The following ACTR3 variants were observed in gnomAD, a reference collection of about 807,000 sequenced individuals.
ACTR3 encodes the protein actin-related protein 3.
Under a neutral mutation model 56.8 loss-of-function variants are expected in ACTR3, and 12 were observed. The ratio of observed to expected loss-of-function variants is 0.21; its 90% CI spans 0.14 to 0.34. ACTR3 has a LOEUF of 0.34. Among genes scored for constraint, ACTR3 ranks in the 10% least tolerant of loss-of-function variants. The probability of loss-of-function intolerance (pLI) is 1.00; values close to 1 mark genes in which losing one functional copy is unlikely to be tolerated. For missense variants in ACTR3, 282 were observed against 512.5 expected (o/e 0.55, Z 4.34); for synonymous variants, 162 against 167.4 (o/e 0.97, Z 0.25).
rs1680323305 is a variant in ACTR3, at chr2:113,961,439, G to C, written c.*3984G>C. The C allele has an allele frequency of 6.6e-6, 1 of 151,910 alleles. No homozygotes were observed. The highest frequency in any genetic ancestry group is 1.5e-5 in the Non-Finnish European group (1 of 67,852). 9.4% of individuals were successfully genotyped at this position (151,910 alleles called of 1,614,324 possible). A position where few individuals can be genotyped will look rare whatever the true frequency, so the allele number is the denominator to read the frequency against. On this transcript the variant is annotated 3_prime_UTR_variant, in exon 12 of 12. Transcript: ENST00000263238. ...CTGAAAAACCTGAAAGAAAAAAAAT[G>C]AAAGATTAAAAGTATACGATATTCT...
chr2:113,895,059 T>TCCCCCCCCCCCC (rs61667793), intron 1 of ACTR3, among the ~76,000 whole-genome samples: 24 of 111,368 alleles, frequency 2.2e-4, no homozygotes, highest in African/African-American at 5.5e-4. Flanking sequence ...TGGTTTAGGT[T>TCCCCCCCCCCCC]CCCCCCCCCC....
Position 113,891,697 on chromosome 2 carries a change from A to T in ACTR3, c.44+1374A>T, listed in dbSNP as rs533657724. ...GTGTGTCCTTCACTCTTTATGTGAAATTTCTTTAATCTTCATTCTCATAAC... is the reference window on the plus strand; with the variant it reads ...GTGTGTCCTTCACTCTTTATGTGAATTTTCTTTAATCTTCATTCTCATAAC... On this transcript the variant is annotated intron_variant, in intron 1 of 11. Transcript: ENST00000263238. Among the ~76,000 whole-genome samples the T allele has an allele frequency of 4.0e-5, 6 of 151,784 alleles. No individual in the cohort carries two copies. The East Asian group carries it at 1.2e-3, about 29-fold the overall frequency.
At chr2:113,890,382 G>T in intron 1 of ACTR3, 59 bp downstream of exon 1, 1 of 1,392,238 alleles carries the variant, frequency 7.2e-7, no homozygotes. Context: ...AGATGGCGGG[G>T]GAGGGAGGAG....
rs894687980 is a variant in ACTR3, at chr2:113,960,986, G to T, written c.*3531G>T. On this transcript the variant is annotated 3_prime_UTR_variant, in exon 12 of 12. Coordinates refer to ENST00000263238, the MANE Select transcript of ACTR3 (RefSeq NM_005721.5). ...ACGTGGAACTTTCATAGCAAATCTT[G>T]ACAGTAAATACCTTGTTCTTGTATT... 1.3e-5 allele frequency: 2 copies of T among 151,968 alleles called. No individual in the cohort carries two copies. Among genetic ancestry groups the T allele is most frequent in the Non-Finnish European group, 2.9e-5 (2 of 67,904 alleles). The allele number at this position is 151,968 out of a possible 1,614,324, so 9.4% of individuals were successfully genotyped here.
chr2:113,900,627 T>A (rs968302406), intron 1 of ACTR3, among the ~76,000 whole-genome samples: 3 of 152,244 alleles, frequency 2.0e-5, no homozygotes, highest in Non-Finnish European at 2.9e-5. Flanking sequence ...TTAATCCTTA[T>A]GACAACCTCA....
chr2:113,961,681 G>A lies in ACTR3; in HGVS notation c.*4226G>A, dbSNP rs955134424. On this transcript the variant is annotated 3_prime_UTR_variant, in exon 12 of 12. Transcript: ENST00000263238. ...CTGTGGTTCAAGTACTGTGCATAAA[G>A]ATGAATAAATATTCTGTCCTTGGCT... 2 of 152,070 alleles carry A rather than the reference G, an allele frequency of 1.3e-5. No individual in the cohort carries two copies. Among genetic ancestry groups the A allele is most frequent in the African/African-American group, 4.8e-5 (2 of 41,538 alleles). The allele number at this position is 152,070 out of a possible 1,614,324, so 9.4% of individuals were successfully genotyped here.
intron 1 of ACTR3, among the ~76,000 whole-genome samples, chr2:113,893,568 A>C (rs1311084767): frequency 6.6e-6 from 1 of 152,198 alleles, no homozygotes; most frequent in South Asian, 2.1e-4. Flanking sequence ...CTGGGATTAC[A>C]GGTGTGAGCC....
At chr2:113,937,101 C>T (rs1679842732) in intron 6 of ACTR3, among the ~76,000 whole-genome samples, 1 of 152,068 alleles carries the variant, frequency 6.6e-6, no homozygotes, top group Non-Finnish European at 1.5e-5. Context: ...AAAAAGTTAT[C>T]TTTAAAAGAT....
rs1331307463 is a variant in ACTR3 at position 113,961,994 on chromosome 2, A to G, written c.*4539A>G. On this transcript the variant is annotated 3_prime_UTR_variant, in exon 12 of 12. Transcript: ENST00000263238. ...TCATTTCATATTTCCAGTGCCTGAC[A>G]TATTGCTTGGCATATAGTAGTTTAG... The G allele has an allele frequency of 6.6e-6, 1 of 152,014 alleles. No individual in the cohort carries two copies. Among genetic ancestry groups the G allele is most frequent in the Non-Finnish European group, 1.5e-5 (1 of 67,904 alleles). The allele number at this position is 152,014 out of a possible 1,614,324, so 9.4% of individuals were successfully genotyped here.
At chr2:113,944,366 AG>A (rs1298857481) in intron 8 of ACTR3, among the ~76,000 whole-genome samples, 1 of 152,104 alleles carries the variant, frequency 6.6e-6, no homozygotes, top group Non-Finnish European at 1.5e-5. Flanking sequence ...GAAGGAATTA[AG>A]TATAGGTACA....
In ACTR3 at chr2:113,959,436, G is replaced by A. The variant is rs1232043780; in HGVS notation, c.*1981G>A. 1 of 151,982 alleles carries A rather than the reference G, an allele frequency of 6.6e-6. No homozygotes were observed. Among genetic ancestry groups the A allele is most frequent in the Non-Finnish European group, 1.5e-5 (1 of 67,908 alleles). The allele number at this position is 151,982 out of a possible 1,614,324, so 9.4% of individuals were successfully genotyped here. ...GATGGTTGGGTAGTTAAGTGAATAA[G>A]CTAGAAAGACATGTTTATAAAGCTA... is the stretch of plus-strand genomic sequence containing the variant. On this transcript the variant is annotated 3_prime_UTR_variant, in exon 12 of 12. Transcript: ENST00000263238.
rs535589866 is a variant in ACTR3 at position 113,942,374 on chromosome 2, C to T, written c.858+15C>T. 1.0e-5 allele frequency: 16 copies of T among 1,540,790 alleles called. No homozygotes were observed. Among genetic ancestry groups the T allele is most frequent in the East Asian group, 7.0e-5 (3 of 42,944 alleles). Reference sequence around the variant, plus strand: ...TTCATCCAGAGGTAATTTTTTTTAACGGAATTGTTTAAAAGTATTCAGCAG... The same window carrying T: ...TTCATCCAGAGGTAATTTTTTTTAATGGAATTGTTTAAAAGTATTCAGCAG... On this transcript the variant is annotated intron_variant, in intron 8 of 11. Transcript: ENST00000263238.
intron 1 of ACTR3, among the ~76,000 whole-genome samples, chr2:113,910,693 T>C (rs1679291014): frequency 6.6e-6 from 1 of 152,170 alleles, no homozygotes; most frequent in African/African-American, 2.4e-5. Flanking sequence ...CCTCCACACA[T>C]TTGGTCCCAG....
intron 6 of ACTR3, among the ~76,000 whole-genome samples, chr2:113,936,853 G>C (rs1258284089): frequency 6.6e-6 from 1 of 152,136 alleles, no homozygotes; most frequent in Non-Finnish European, 1.5e-5. Context: ...TTGGCTTCTA[G>C]ATGTCCATCT....
At chr2:113,945,427 T>C (rs1452549347) in intron 8 of ACTR3, among the ~76,000 whole-genome samples, 1 of 152,180 alleles carries the variant, frequency 6.6e-6, no homozygotes, top group Admixed American at 6.5e-5. Flanking sequence ...GTTTAAATGC[T>C]AGCCTCCTTT....
At chr2:113,903,234 AT>A (rs1404150715) in intron 1 of ACTR3, among the ~76,000 whole-genome samples, 3 of 152,052 alleles carry the variant, frequency 2.0e-5, no homozygotes, top group African/African-American at 7.2e-5. Flanking sequence ...TGTTTTCCTT[AT>A]CTTTGATTTT....
At chr2:113,936,446 T>G (rs1233041158) in intron 6 of ACTR3, among the ~76,000 whole-genome samples, 1 of 152,220 alleles carries the variant, frequency 6.6e-6, no homozygotes, top group Non-Finnish European at 1.5e-5. Context: ...CTATATCTGT[T>G]GTCATTTGTT....
At chr2:113,898,826 C>T (rs981096640) in intron 1 of ACTR3, among the ~76,000 whole-genome samples, 27 of 152,060 alleles carry the variant, frequency 1.8e-4, no homozygotes, top group African/African-American at 6.3e-4. Context: ...GCCCTTTGCA[C>T]GTTTTGTTTT....
chr2:113,908,316 C>T (rs1482290597), intron 1 of ACTR3, among the ~76,000 whole-genome samples: 1 of 146,498 alleles, frequency 6.8e-6, no homozygotes, highest in Non-Finnish European at 1.5e-5. Flanking sequence ...TACAAAATTT[C>T]TTCTTTATGG....
Sources: gnomAD v4.1 joint callset for allele counts (sites outside exome capture counted in the v4.1 genomes callset) on GRCh38, gnomAD v4.1.1 for gene constraint, MANE v1.5 for transcripts, NCBI Gene and HGNC (gene_info 2026-07-23, HGNC 2026-07-21) for gene names.